Variants in CEP85L observed in about 807,000 individuals in gnomAD.
CEP85L encodes centrosomal protein of 85 kDa-like.
A neutral mutation model predicts 100.3 loss-of-function variants in CEP85L; 60 were observed. The ratio of observed to expected loss-of-function variants is 0.60; its 90% CI spans 0.49 to 0.74. The LOEUF is 0.74. Ranked by LOEUF, CEP85L falls within the 30% of genes least tolerant of loss-of-function variation. The probability of loss-of-function intolerance (pLI) is 0.00; values close to 1 mark genes in which losing one functional copy is unlikely to be tolerated. For missense variants in CEP85L, 973 were observed against 936.2 expected (o/e 1.04, Z -0.51); for synonymous variants, 319 against 322.7 (o/e 0.99, Z 0.12).
intron 2 of CEP85L, among the ~76,000 whole-genome samples, chr6:118,576,952 T>C (rs1423570059): frequency 6.6e-6 from 1 of 152,116 alleles, no homozygotes; most frequent in Non-Finnish European, 1.5e-5. Context: ...ACCCAAACTG[T>C]CCCCTTTCCA....
chr6:118,544,279 T>C (rs907580401), intron 3 of CEP85L, among the ~76,000 whole-genome samples: 6 of 152,190 alleles, frequency 3.9e-5, no homozygotes, highest in Non-Finnish European at 5.9e-5. Context: ...TAAATTTGTT[T>C]TGTGATGTAT....
chr6:118,474,676 C>T (rs1026019946), intron 10 of CEP85L, among the ~76,000 whole-genome samples: 1 of 152,138 alleles, frequency 6.6e-6, no homozygotes, highest in South Asian at 2.1e-4. Flanking sequence ...TTGTCATTGT[C>T]CCCACACCAA....
At chr6:118,634,277 T>A (rs1251462726) in intron 1 of CEP85L, among the ~76,000 whole-genome samples, 1 of 152,316 alleles carries the variant, frequency 6.6e-6, no homozygotes, top group Non-Finnish European at 1.5e-5. Flanking sequence ...CTTTTAGGAT[T>A]AGTTGTTCTC....
intron 2 of CEP85L, among the ~76,000 whole-genome samples, chr6:118,579,774 TTTC>T (rs1415233350): frequency 2.0e-5 from 3 of 152,232 alleles, no homozygotes; most frequent in Admixed American, 6.5e-5. Context: ...CCTTGGCAAG[TTTC>T]TTTTCTTTTA....
intron 2 of CEP85L, among the ~76,000 whole-genome samples, chr6:118,611,897 T>C (rs1018899829): frequency 7.7e-6 from 1 of 129,792 alleles, no homozygotes; most frequent in Non-Finnish European, 1.9e-5. Context: ...ATAATTATAT[T>C]TGTAGACTTT....
At chr6:118,610,661 A>T (rs1013727058) in intron 2 of CEP85L, among the ~76,000 whole-genome samples, 1 of 152,198 alleles carries the variant, frequency 6.6e-6, no homozygotes, top group Non-Finnish European at 1.5e-5. Context: ...ATAAGGAGAC[A>T]GTGCCCCATA....
intron 3 of CEP85L, among the ~76,000 whole-genome samples, chr6:118,535,063 A>G (rs1777510466): frequency 6.6e-6 from 1 of 152,150 alleles, no homozygotes; most frequent in South Asian, 2.1e-4. Context: ...ATACTCAAAT[A>G]AAACTAAAAA....
At chr6:118,542,917 A>AAAAAAAAAAAAC (rs758286537) in intron 3 of CEP85L, among the ~76,000 whole-genome samples, 6 of 150,078 alleles carry the variant, frequency 4.0e-5, no homozygotes, top group Non-Finnish European at 5.9e-5. Context: ...AAAAAAAAAA[A>AAAAAAAAAAAAC]AAAAAACAGG....
chr6:118,466,598 A>C (rs1319933593), intron 12 of CEP85L, among the ~76,000 whole-genome samples: 2 of 152,206 alleles, frequency 1.3e-5, no homozygotes, highest in African/African-American at 4.8e-5. Context: ...TCAGAAAGCA[A>C]AACAGTATGA....
At chr6:118,470,454 GA>G in intron 11 of CEP85L, 82 bp downstream of exon 11, 1 of 669,326 alleles carries the variant, frequency 1.5e-6, no homozygotes, top group Middle Eastern at 4.5e-4. Flanking sequence ...TCTTTAATCT[GA>G]AAATGCTCTA....
At chr6:118,663,322 A>G (rs918864539) in intron 1 of CEP85L, among the ~76,000 whole-genome samples, 1 of 152,252 alleles carries the variant, frequency 6.6e-6, no homozygotes, top group Non-Finnish European at 1.5e-5. Context: ...GAAAAACTGT[A>G]TGCATGAAAA....
rs911978857 is a variant in CEP85L, at chr6:118,511,381, T to C, written c.1174A>G (p.Ile392Val). ...TGAGCCCGTAATTCATTATCCCTTA[T>C]CCTCTCATGCAGGTGGGTAATTTGT... ...KQQITHLHER[I>V]RDNELRAQHA... The change falls in exon 5 of 13, where the codon ATA becomes GTA. Residue 392 changes from isoleucine to valine, a missense_variant. This residue lies in a region of CEP85L where 890 missense variants were observed against 844.5 expected (regional missense o/e 1.05). Transcript: ENST00000368491. 1.9e-6 allele frequency: 3 copies of C among 1,612,852 alleles called. No individual in the cohort carries two copies. The highest frequency in any genetic ancestry group is 2.5e-6 in the Non-Finnish European group (3 of 1,179,326).
intron 1 of CEP85L, among the ~76,000 whole-genome samples, chr6:118,640,244 C>T (rs1165017351): frequency 6.6e-6 from 1 of 152,094 alleles, no homozygotes; most frequent in Non-Finnish European, 1.5e-5. Flanking sequence ...TTCTCCATCC[C>T]AATCCTCCAC....
rs1772385341 is a variant in CEP85L, at chr6:118,464,552, T to C, written c.*853A>G. 1.3e-5 allele frequency: 2 copies of C among 152,036 alleles called. No individual in the cohort carries two copies. The highest frequency in any genetic ancestry group is 2.9e-5 in the Non-Finnish European group (2 of 67,974). The allele number at this position is 152,036 out of a possible 1,614,324, so 9.4% of individuals were successfully genotyped here. A position where few individuals can be genotyped will look rare whatever the true frequency, so the allele number is the denominator to read the frequency against. ...TCTTCCTTTTATAATAATGATCCAA[T>C]GCCTTTATTAATTATATATGGCTTT... On this transcript the variant is annotated 3_prime_UTR_variant, in exon 13 of 13. Coordinates refer to ENST00000368491, the MANE Select transcript of CEP85L (RefSeq NM_001042475.3).
chr6:118,619,574 AC>A (rs575892716), intron 2 of CEP85L, among the ~76,000 whole-genome samples: 56 of 152,296 alleles, frequency 3.7e-4, no homozygotes, highest in Non-Finnish European at 6.0e-4. Flanking sequence ...TTAGAGGCAC[AC>A]CGAAAAGAAA....
At chr6:118,640,076 AG>A (rs1309352214) in intron 1 of CEP85L, among the ~76,000 whole-genome samples, 1 of 152,184 alleles carries the variant, frequency 6.6e-6, no homozygotes, top group African/African-American at 2.4e-5. Context: ...AGTCTCCAAT[AG>A]GTTAAAAAGA....
intron 1 of CEP85L, among the ~76,000 whole-genome samples, chr6:118,679,340 GATTAAAGGTTAGGCT>G (rs1384383132): frequency 2.6e-5 from 4 of 152,176 alleles, no homozygotes; most frequent in Non-Finnish European, 5.9e-5. Context: ...ATAAATATGT[GATTAAAGGTTAGGCT>G]CTAGGATTAC....
rs148478245 is a variant in CEP85L at position 118,695,491 on chromosome 6, G to A, written c.-28+14545C>T. 5.4e-3 allele frequency among the ~76,000 whole-genome samples: 817 copies of A among 152,266 alleles called. 4 individuals carry two copies. The highest frequency in any genetic ancestry group is 8.9e-3 in the Non-Finnish European group (606 of 68,010). The stretch of plus-strand genomic sequence containing the variant: ...AGGGTCTGTTTAAACATCAGTTGCT[G>A]TGCCCACTCCAAGACTTCCCAATTC... On this transcript the variant is annotated intron_variant, in intron 1 of 13. Transcript: ENST00000368488.
At chr6:118,596,666 A>T (rs7765213) in intron 2 of CEP85L, among the ~76,000 whole-genome samples, 4,726 of 143,404 alleles carry the variant, frequency 0.033, 198 homozygotes, top group African/African-American at 0.1. Context: ...TGATTTTTTT[A>T]AAAAAAAAAC....
Sources: gnomAD v4.1 joint callset for allele counts (sites outside exome capture counted in the v4.1 genomes callset) on GRCh38, gnomAD v4.1.1 for gene constraint, gnomAD v4.1.1 regional missense constraint, MANE v1.5 for transcripts, NCBI Gene and HGNC (gene_info 2026-07-23, HGNC 2026-07-21) for gene names.